SLMAP: variants seen among roughly 807,000 people sequenced by gnomAD.
SLMAP encodes sarcolemma associated protein.
A neutral mutation model predicts 128.8 loss-of-function variants in SLMAP; 44 were observed. That is an observed-to-expected ratio of 0.34 (90% CI 0.27 to 0.44). The LOEUF is 0.44. Ranked by LOEUF, SLMAP falls within the 20% of genes least tolerant of loss-of-function variation. The probability of loss-of-function intolerance (pLI) is 1.00; values close to 1 mark genes in which losing one functional copy is unlikely to be tolerated. For synonymous variants in SLMAP, 327 were observed against 348.8 expected, an observed-to-expected ratio of 0.94 and a Z score of 0.70; for missense variants, 787 against 985.3, an observed-to-expected ratio of 0.80 and a Z score of 2.69.
intron 2 of SLMAP, among the ~76,000 whole-genome samples, chr3:57,804,868 T>C (rs1299198226): frequency 6.6e-6 from 1 of 152,230 alleles, no homozygotes; most frequent in Admixed American, 6.5e-5. Context: ...GATACATCTG[T>C]GTTTGATCCT....
At chr3:57,908,913 A>T in intron 18 of SLMAP, among the ~76,000 whole-genome samples, 163 bp from the exon 19 acceptor site, 1 of 152,202 alleles carries the variant, frequency 6.6e-6, no homozygotes, top group South Asian at 2.1e-4. Context: ...TGCTCCTAAA[A>T]TCTTTAAACT....
At chr3:57,871,741 G>A (rs761050895) in intron 14 of SLMAP, 43 bp downstream of exon 14, 1 of 1,456,926 alleles carries the variant, frequency 6.9e-7, no homozygotes, top group Admixed American at 1.7e-5. Flanking sequence ...ATGAAGTCAG[G>A]GGCTAAAACT....
At chr3:57,801,069 C>CTT (rs1237560641) in intron 2 of SLMAP, 2 of 175,824 alleles carry the variant, frequency 1.1e-5, no homozygotes, top group Non-Finnish European at 2.4e-5. Flanking sequence ...AAGCCAGAGC[C>CTT]TAATAGGCTG....
intron 6 of SLMAP, among the ~76,000 whole-genome samples, chr3:57,853,961 A>ATATT (rs1553881055): frequency 1.5e-5 from 1 of 66,130 alleles, no homozygotes; most frequent in Non-Finnish European, 2.9e-5. Context: ...AAAATTATAT[A>ATATT]TATATATATA....
intron 2 of SLMAP, among the ~76,000 whole-genome samples, chr3:57,775,475 C>G (rs1043905924): frequency 1.0e-4 from 14 of 138,850 alleles, no homozygotes; most frequent in African/African-American, 3.1e-4. Context: ...GAATTCAAGA[C>G]CAGCCTGAGC....
At chr3:57,803,782 T>C (rs1257954964) in intron 2 of SLMAP, among the ~76,000 whole-genome samples, 25 of 152,204 alleles carry the variant, frequency 1.6e-4, no homozygotes, top group Admixed American at 1.6e-3. Flanking sequence ...AATCCTGCTT[T>C]TCTAGCTCGC....
chr3:57,896,274 G>A (rs1199949532), intron 15 of SLMAP: 8 of 1,207,582 alleles, frequency 6.6e-6, no homozygotes, highest in Non-Finnish European at 3.1e-6. Flanking sequence ...TTGAACAAAA[G>A]CCCCAGCCCT....
chr3:57,827,581 G>A (rs561719735), intron 2 of SLMAP, among the ~76,000 whole-genome samples: 3 of 152,310 alleles, frequency 2.0e-5, no homozygotes, highest in African/African-American at 7.2e-5. Context: ...AACAATGAAA[G>A]TGCTGCTGTT....
intron 6 of SLMAP, among the ~76,000 whole-genome samples, chr3:57,852,805 A>T (rs1403507411): frequency 6.6e-6 from 1 of 151,868 alleles, no homozygotes; most frequent in Non-Finnish European, 1.5e-5. Context: ...TCACTCTCTC[A>T]CTCTTTCCAA....
intron 2 of SLMAP, among the ~76,000 whole-genome samples, chr3:57,792,151 G>A (rs1267315321): frequency 6.6e-6 from 1 of 151,976 alleles, no homozygotes; most frequent in African/African-American, 2.4e-5. Flanking sequence ...TAAATATTTA[G>A]ATGCGACCTT....
At chr3:57,888,285 A>G (rs976093768) in intron 14 of SLMAP, among the ~76,000 whole-genome samples, 2 of 152,210 alleles carry the variant, frequency 1.3e-5, no homozygotes, top group African/African-American at 4.8e-5. Flanking sequence ...AAATATAATT[A>G]TAGCATACTA....
chr3:57,885,942 C>T (rs2095874279), intron 14 of SLMAP, among the ~76,000 whole-genome samples: 1 of 149,314 alleles, frequency 6.7e-6, no homozygotes, highest in Non-Finnish European at 1.5e-5. Context: ...CATCACCATG[C>T]CCAGCTAATT....
At chr3:57,830,952 A>G (rs1319696927) in intron 2 of SLMAP, among the ~76,000 whole-genome samples, 5 of 152,184 alleles carry the variant, frequency 3.3e-5, no homozygotes, top group Non-Finnish European at 4.4e-5. Context: ...ATGAATGTCT[A>G]CCACATTTGT....
intron 4 of SLMAP, among the ~76,000 whole-genome samples, chr3:57,842,825 T>G (rs1039083092): frequency 2.0e-5 from 3 of 152,216 alleles, no homozygotes; most frequent in Non-Finnish European, 4.4e-5. Flanking sequence ...TCTAACTTTC[T>G]GGAGAAGATG....
intron 2 of SLMAP, among the ~76,000 whole-genome samples, chr3:57,789,084 C>G (rs941487054): frequency 6.6e-6 from 1 of 152,076 alleles, no homozygotes; most frequent in Non-Finnish European, 1.5e-5. Flanking sequence ...AGGTCAGGCA[C>G]TCTCTGTCCA....
At chr3:57,768,962 C>G (rs2080267668) in intron 2 of SLMAP, among the ~76,000 whole-genome samples, 1 of 152,098 alleles carries the variant, frequency 6.6e-6, no homozygotes, top group African/African-American at 2.4e-5. Flanking sequence ...ACCCCAGTTG[C>G]GTGAGCCAAT....
intron 17 of SLMAP, 129 bp downstream of exon 17, chr3:57,897,061 G>C: frequency 1.4e-6 from 2 of 1,437,318 alleles, no homozygotes; most frequent in Non-Finnish European, 1.8e-6. Context: ...CTGTAAAGTA[G>C]CAGGGACTAA....
At chr3:57,896,363 G>C in intron 15 of SLMAP, 148 bp from the exon 16 acceptor site, 1 of 1,384,084 alleles carries the variant, frequency 7.2e-7, no homozygotes, top group Non-Finnish European at 9.3e-7. Flanking sequence ...GGACAAGGGT[G>C]GTGAAGAAGT....
At chr3:57,844,170 A>G (rs2094125417) in intron 4 of SLMAP, among the ~76,000 whole-genome samples, 2 of 151,896 alleles carry the variant, frequency 1.3e-5, no homozygotes, top group Admixed American at 6.6e-5. Flanking sequence ...AGGCGGACAG[A>G]TTGCCTGAGC....
Sources: allele counts gnomAD v4.1 joint callset (sites outside exome capture counted in the v4.1 genomes callset), GRCh38; gene constraint gnomAD v4.1.1; transcripts MANE v1.5; gene names NCBI Gene and HGNC (gene_info 2026-07-23, HGNC 2026-07-21).